The following HDAC9 variants were observed in gnomAD, a reference collection of about 807,000 sequenced individuals.
HDAC9 encodes histone deacetylase 9.
A neutral mutation model predicts 139.4 loss-of-function variants in HDAC9; 41 were observed. The ratio of observed to expected loss-of-function variants is 0.29; its 90% confidence interval spans 0.23 to 0.38. HDAC9 has a LOEUF of 0.38. Among genes scored for constraint, HDAC9 ranks in the 10% least tolerant of loss-of-function variants. The pLI is 1.00. For synonymous variants in HDAC9, 517 were observed against 476.2 expected, an observed-to-expected ratio of 1.09 and a Z score of -1.12; for missense variants, 1,147 against 1,297.0, an observed-to-expected ratio of 0.88 and a Z score of 1.78.
At chr7:18,125,911 G>GA (rs1161524216) in intron 1 of HDAC9, among the ~76,000 whole-genome samples, 1 of 152,116 alleles carries the variant, frequency 6.6e-6, no homozygotes, top group African/African-American at 2.4e-5. Context: ...AAGTGGTGCC[G>GA]AAACAGGCCT....
intron 13 of HDAC9, among the ~76,000 whole-genome samples, chr7:18,738,453 T>C (rs1225947958): frequency 3.3e-5 from 5 of 152,220 alleles, no homozygotes; most frequent in South Asian, 2.1e-4. Context: ...AAGGCAGGCC[T>C]GGTATTGACA....
chr7:18,299,998 ATTAAGTGAC>A (rs904926615), intron 1 of HDAC9, among the ~76,000 whole-genome samples: 3 of 152,188 alleles, frequency 2.0e-5, no homozygotes, highest in Admixed American at 6.5e-5. Context: ...CCTAAGAGAC[ATTAAGTGAC>A]TTTCCCAGGA....
chr7:18,575,517 C>A (rs1238195462), intron 2 of HDAC9, among the ~76,000 whole-genome samples: 1 of 152,176 alleles, frequency 6.6e-6, no homozygotes, highest in African/African-American at 2.4e-5. Context: ...GTTTTATTTT[C>A]CTCAGTGTTC....
intron 1 of HDAC9, among the ~76,000 whole-genome samples, chr7:18,134,023 A>G (rs1226288092): frequency 2.0e-5 from 3 of 151,106 alleles, no homozygotes; most frequent in Non-Finnish European, 4.4e-5. Context: ...TTCTTAGGCA[A>G]GGTCAACACA....
intron 24 of HDAC9, among the ~76,000 whole-genome samples, chr7:18,968,958 CAAAAAAAAAAAAA>C (rs34379636): frequency 4.4e-5 from 2 of 45,182 alleles, no homozygotes; most frequent in East Asian, 8.5e-4. Flanking sequence ...GCCTCCCTCT[CAAAAAAAAAAAAA>C]AAAAAAAAAA....
chr7:18,273,595 A>T (rs2128215566), intron 2 of HDAC9, among the ~76,000 whole-genome samples: 1 of 152,342 alleles, frequency 6.6e-6, no homozygotes, highest in Non-Finnish European at 1.5e-5. Context: ...ATTACAAATT[A>T]AAATTGGAAA....
intron 17 of HDAC9, among the ~76,000 whole-genome samples, chr7:18,818,803 G>C (rs1208027785): frequency 6.6e-6 from 1 of 152,274 alleles, no homozygotes; most frequent in Admixed American, 6.5e-5. Context: ...ATTAGTAGCA[G>C]TTCTTACCAT....
chr7:18,813,748 C>A (rs1562959357), intron 17 of HDAC9, among the ~76,000 whole-genome samples: 1 of 152,140 alleles, frequency 6.6e-6, no homozygotes, highest in African/African-American at 2.4e-5. Context: ...CTTAAGTTAG[C>A]CAAATTATGG....
At chr7:18,288,088 A>C (rs1797571277), upstream of HDAC9, among the ~76,000 whole-genome samples, 1 of 152,196 alleles carries the variant, frequency 6.6e-6, no homozygotes, top group Admixed American at 6.5e-5. Flanking sequence ...TGGAAGGTTT[A>C]CTGTGCATTG....
chr7:18,498,971 G>A (rs1363568550), intron 2 of HDAC9, among the ~76,000 whole-genome samples: 1 of 151,962 alleles, frequency 6.6e-6, no homozygotes, highest in African/African-American at 2.4e-5. Context: ...TTGATAATCA[G>A]TTTGCCTTAG....
chr7:18,815,625 G>A (rs1794507930), intron 17 of HDAC9, among the ~76,000 whole-genome samples: 1 of 152,198 alleles, frequency 6.6e-6, no homozygotes, highest in Non-Finnish European at 1.5e-5. Flanking sequence ...GGCATGATGG[G>A]CCGCAGATGC....
At chr7:18,894,228 T>G (rs779636431) in intron 22 of HDAC9, among the ~76,000 whole-genome samples, 16 of 152,096 alleles carry the variant, frequency 1.1e-4, no homozygotes, top group Non-Finnish European at 1.9e-4. Flanking sequence ...TATCAGCATA[T>G]AGACGCTATT....
chr7:18,301,547 A>C (rs1322399589), intron 1 of HDAC9, among the ~76,000 whole-genome samples: 1 of 152,110 alleles, frequency 6.6e-6, no homozygotes, highest in Non-Finnish European at 1.5e-5. Context: ...TTTCTTTCTT[A>C]TTACTATCTA....
In HDAC9 at chr7:18,590,362, A is replaced by G. The variant is rs1830602840; in HGVS notation, c.291A>G (p.Lys97=). ...TGCAACAGGAACTTCTAGCCATAAA[A>G]CAGCAACAAGAACTCCTAGAAAAGG... ...IKLQQELLAI[K]QQQELLEKEQ... Residue 97 remains lysine, a synonymous_variant, in exon 4 of 26, where the codon AAA becomes AAG. Transcript: ENST00000686413. 1 of 1,612,500 alleles carries G rather than the reference A, an allele frequency of 6.2e-7. No individual in the cohort carries two copies.
intron 2 of HDAC9, among the ~76,000 whole-genome samples, chr7:18,243,889 A>G (rs1339647852): frequency 6.6e-6 from 1 of 152,240 alleles, no homozygotes; most frequent in African/African-American, 2.4e-5. Flanking sequence ...GTTCAGGATT[A>G]GAAGGATCTG....
upstream of HDAC9, among the ~76,000 whole-genome samples, chr7:18,289,279 TA>T (rs1263059015): frequency 6.6e-6 from 1 of 152,182 alleles, no homozygotes; most frequent in Non-Finnish European, 1.5e-5. Context: ...TTCATTTTCT[TA>T]GATCTAATTA....
chr7:18,818,876 G>A (rs1471523862), intron 17 of HDAC9, among the ~76,000 whole-genome samples: 1 of 152,074 alleles, frequency 6.6e-6, no homozygotes, highest in East Asian at 1.9e-4. Flanking sequence ...GTTGCCCATG[G>A]GACAATCTTA....
intron 16 of HDAC9, among the ~76,000 whole-genome samples, chr7:18,781,630 C>A (rs1791254511): frequency 6.6e-6 from 1 of 151,920 alleles, no homozygotes. Context: ...TTTTCTTTTT[C>A]TTGGAACCTC....
At chr7:18,356,367 T>TTTG (rs1554388651) in intron 1 of HDAC9, among the ~76,000 whole-genome samples, 2 of 142,006 alleles carry the variant, frequency 1.4e-5, no homozygotes, top group Admixed American at 7.1e-5. Flanking sequence ...GGTTTTTTTT[T>TTTG]TTTTTTTTTT....
Sources: allele counts gnomAD v4.1 joint callset (sites outside exome capture counted in the v4.1 genomes callset), GRCh38; gene constraint gnomAD v4.1.1; transcripts MANE v1.5; gene names NCBI Gene and HGNC (gene_info 2026-07-23, HGNC 2026-07-21).